Variants in NCOA2 observed in about 807,000 individuals in gnomAD.
NCOA2 encodes the protein class E basic helix-loop-helix protein 75.
Under a neutral mutation model 145.1 loss-of-function variants are expected in NCOA2, and 21 were observed. The observed-to-expected ratio is 0.14, with a 90% CI of 0.10 to 0.21. The LOEUF (loss-of-function observed/expected upper bound fraction) is 0.21. Among genes scored for constraint, NCOA2 ranks in the 10% least tolerant of loss-of-function variants. The probability of loss-of-function intolerance (pLI) is 1.00; values close to 1 mark genes in which losing one functional copy is unlikely to be tolerated. For synonymous variants in NCOA2, 619 were observed against 637.5 expected (o/e 0.97, Z 0.44); for missense variants, 1,472 against 1,837.6 (o/e 0.80, Z 3.64).
intron 4 of NCOA2, among the ~76,000 whole-genome samples, chr8:70,181,154 C>G (rs1215480509): frequency 6.6e-6 from 1 of 152,136 alleles, no homozygotes; most frequent in Admixed American, 6.6e-5. Context: ...ATTACCAGAA[C>G]AGAGTTCTAT....
chr8:70,283,752 T>A (rs1299045593), intron 2 of NCOA2, among the ~76,000 whole-genome samples: 2 of 152,238 alleles, frequency 1.3e-5, no homozygotes, highest in East Asian at 3.8e-4. Context: ...TTCTGGTTTT[T>A]TTCAGATTTT....
At chr8:70,134,653 A>G (rs1270616948) in intron 15 of NCOA2, among the ~76,000 whole-genome samples, 1 of 152,078 alleles carries the variant, frequency 6.6e-6, no homozygotes, top group Non-Finnish European at 1.5e-5. Flanking sequence ...TTGTAAGACC[A>G]CTCCACCTTG....
chr8:70,159,242 A>ATATATATATTTTTTTTTT lies in NCOA2; in HGVS notation c.1124+262_1124+263insAAAAAAAAAATATATATA. On this transcript the variant is annotated intron_variant, in intron 10 of 22. Coordinates refer to ENST00000452400, the MANE Select transcript of NCOA2 (RefSeq NM_006540.4). ...TAACATTATATATATATATATATAT[A>ATATATATATTTTTTTTTT]TTTTTTTTTTTTTCCCCCAAATATT... 6.5e-5 allele frequency among the ~76,000 whole-genome samples: 4 copies of ATATATATATTTTTTTTTT among 61,076 alleles called. 1 individual carries two copies. The highest frequency in any genetic ancestry group is 2.2e-4 in the African/African-American group (4 of 18,488). 40.1% of individuals were successfully genotyped at this position (61,076 alleles called of 152,430 possible). A position where few individuals can be genotyped will look rare whatever the true frequency, so the allele number is the denominator to read the frequency against.
rs1806738259 is a variant in NCOA2, at chr8:70,113,548, A to T, written c.*84T>A. 7.4e-6 allele frequency: 11 copies of T among 1,488,850 alleles called. No homozygotes were observed. The highest frequency in any genetic ancestry group is 9.2e-6 in the Non-Finnish European group (10 of 1,090,678). 92.2% of individuals were successfully genotyped at this position (1,488,850 alleles called of 1,614,324 possible). On this transcript the variant is annotated 3_prime_UTR_variant, in exon 23 of 23. Transcript: ENST00000452400. ...CCGGCTGGCAGGTCAGTTGGGTTGAAACAAATAGACACAGCTCTCCAGACT... is the reference window on the plus strand; with the variant it reads ...CCGGCTGGCAGGTCAGTTGGGTTGATACAAATAGACACAGCTCTCCAGACT...
At chr8:70,212,052 CCTT>C (rs1819086211) in intron 4 of NCOA2, among the ~76,000 whole-genome samples, 1 of 144,530 alleles carries the variant, frequency 6.9e-6, no homozygotes, top group East Asian at 2.1e-4. Flanking sequence ...TTGTGCAAGA[CCTT>C]CTTTGTGGCG....
intron 18 of NCOA2, among the ~76,000 whole-genome samples, chr8:70,127,671 A>G (rs887300729): frequency 6.6e-6 from 1 of 152,174 alleles, no homozygotes; most frequent in Non-Finnish European, 1.5e-5. Context: ...TGAATTCCAC[A>G]TTTCTGAAGT....
At chr8:70,225,341 C>T (rs749743725) in intron 2 of NCOA2, among the ~76,000 whole-genome samples, 5 of 151,936 alleles carry the variant, frequency 3.3e-5, no homozygotes, top group Non-Finnish European at 7.4e-5. Context: ...TGAAGTCAGA[C>T]GTTCGAGACC....
At chr8:70,198,183 G>T (rs963463224) in intron 4 of NCOA2, among the ~76,000 whole-genome samples, 9 of 152,254 alleles carry the variant, frequency 5.9e-5, no homozygotes, top group Middle Eastern at 3.4e-3. Flanking sequence ...TTAAGATAAG[G>T]TTCCTCCACA....
chr8:70,266,440 A>C (rs991641565), intron 2 of NCOA2, among the ~76,000 whole-genome samples: 1 of 152,194 alleles, frequency 6.6e-6, no homozygotes, highest in Non-Finnish European at 1.5e-5. Context: ...AAAACTCCTT[A>C]ATCTAGCATG....
At chr8:70,232,410 C>A (rs865973899) in intron 2 of NCOA2, among the ~76,000 whole-genome samples, 1 of 152,192 alleles carries the variant, frequency 6.6e-6, no homozygotes, top group African/African-American at 2.4e-5. Flanking sequence ...GGCCCTTAGT[C>A]CTGCCTGTCA....
intron 1 of NCOA2, among the ~76,000 whole-genome samples, chr8:70,298,122 A>T (rs1163675026): frequency 6.6e-6 from 1 of 152,216 alleles, no homozygotes; most frequent in African/African-American, 2.4e-5. Flanking sequence ...AAGAATTTAC[A>T]ATTTGGATTA....
At chr8:70,398,238 G>A (rs575387861) in intron 1 of NCOA2, among the ~76,000 whole-genome samples, 4 of 152,222 alleles carry the variant, frequency 2.6e-5, no homozygotes, top group South Asian at 4.2e-4. Flanking sequence ...GGAGAGGATC[G>A]CCTGAGCCCA....
At chr8:70,426,790 C>T in the NCOA2 span, among the ~76,000 whole-genome samples, 1 of 152,096 alleles carries the variant, frequency 6.6e-6, no homozygotes, top group African/African-American at 2.4e-5. Flanking sequence ...CTACAAAACT[C>T]TGAATTGGTT....
At chr8:70,391,568 C>G (rs1813212104) in intron 1 of NCOA2, among the ~76,000 whole-genome samples, 2 of 152,172 alleles carry the variant, frequency 1.3e-5, no homozygotes, top group South Asian at 4.1e-4. Flanking sequence ...CTTCTTCAGC[C>G]CTGATCAAAC....
intron 4 of NCOA2, among the ~76,000 whole-genome samples, chr8:70,205,967 G>C (rs1392162335): frequency 1.3e-5 from 2 of 152,180 alleles, no homozygotes; most frequent in African/African-American, 4.8e-5. Context: ...CAAAGTGGCA[G>C]GAGCAGGTAG....
At chr8:70,206,213 A>G (rs1346763212) in intron 4 of NCOA2, among the ~76,000 whole-genome samples, 1 of 152,218 alleles carries the variant, frequency 6.6e-6, no homozygotes, top group African/African-American at 2.4e-5. Flanking sequence ...TAAGATATTT[A>G]AGAATTTCTC....
the NCOA2 span, among the ~76,000 whole-genome samples, chr8:70,419,678 C>G: frequency 6.6e-6 from 1 of 152,136 alleles, no homozygotes; most frequent in Non-Finnish European, 1.5e-5. Flanking sequence ...CTTTAACTCT[C>G]CTTTCCTATA....
At chr8:70,442,047 A>G in the NCOA2 span, among the ~76,000 whole-genome samples, 1 of 148,500 alleles carries the variant, frequency 6.7e-6, no homozygotes, top group Non-Finnish European at 1.5e-5. Context: ...GAGAAAGAGA[A>G]GAAAGGAAAG....
intron 20 of NCOA2, among the ~76,000 whole-genome samples, chr8:70,124,399 T>C (rs1022492588): frequency 2.6e-5 from 4 of 151,924 alleles, no homozygotes; most frequent in African/African-American, 9.7e-5. Flanking sequence ...GCAAGCGATA[T>C]CAAGCAAACT....
Sources: gnomAD v4.1 joint callset for allele counts (sites outside exome capture counted in the v4.1 genomes callset) on GRCh38, gnomAD v4.1.1 for gene constraint, MANE v1.5 for transcripts, NCBI Gene and HGNC (gene_info 2026-07-23, HGNC 2026-07-21) for gene names.